Variants in UBXN7 observed in about 807,000 individuals in gnomAD.
UBXN7 encodes the protein UBX domain protein 7.
Under a neutral mutation model 58.0 loss-of-function variants are expected in UBXN7, and 9 were observed. The observed-to-expected ratio is 0.16, with a 90% confidence interval of 0.09 to 0.27. The LOEUF (loss-of-function observed/expected upper bound fraction) is 0.27, where lower values mean the gene tolerates loss of function less well. Among genes scored for constraint, UBXN7 ranks in the 10% least tolerant of loss-of-function variants. The pLI is 1.00. For missense variants in UBXN7, 328 were observed against 599.6 expected (o/e 0.55, Z 4.73); for synonymous variants, 208 against 205.0 (o/e 1.01, Z -0.12).
chr3:196,360,072 G>A (rs1728464539), intron 10 of UBXN7, among the ~76,000 whole-genome samples: 1 of 152,172 alleles, frequency 6.6e-6, no homozygotes. Context: ...GAAGGCTAAG[G>A]GAGTTAAGGA....
At chr3:196,385,273 G>T (rs986269599) in intron 5 of UBXN7, among the ~76,000 whole-genome samples, 1 of 152,200 alleles carries the variant, frequency 6.6e-6, no homozygotes, top group Non-Finnish European at 1.5e-5. Flanking sequence ...CGAGGTGCCG[G>T]GATTGCAGAC....
intron 1 of UBXN7, among the ~76,000 whole-genome samples, chr3:196,430,399 T>C (rs1006662938): frequency 1.3e-5 from 2 of 151,956 alleles, no homozygotes; most frequent in Non-Finnish European, 2.9e-5. Context: ...TGGCTTTTTT[T>C]TTCTTTTTGA....
At chr3:196,403,164 G>T in intron 2 of UBXN7, 145 bp from the exon 3 acceptor site, 2 of 831,984 alleles carry the variant, frequency 2.4e-6, no homozygotes, top group Admixed American at 3.4e-5. Context: ...CTATTTTTTT[G>T]GGGGGGCGGT....
At chr3:196,373,022 A>AT (rs1158591327) in intron 5 of UBXN7, among the ~76,000 whole-genome samples, 1 of 152,208 alleles carries the variant, frequency 6.6e-6, no homozygotes, top group Non-Finnish European at 1.5e-5. Flanking sequence ...AAGTGCTGGG[A>AT]TTATAGGCGT....
At chr3:196,384,045 A>C (rs1164261805) in intron 5 of UBXN7, among the ~76,000 whole-genome samples, 1 of 152,202 alleles carries the variant, frequency 6.6e-6, no homozygotes, top group Non-Finnish European at 1.5e-5. Context: ...AAATTGATAG[A>C]CCACTAGCAA....
chr3:196,414,273 G>A (rs183141841), intron 1 of UBXN7, among the ~76,000 whole-genome samples: 1 of 152,236 alleles, frequency 6.6e-6, no homozygotes, highest in East Asian at 1.9e-4. Context: ...ACAGGCATAC[G>A]CCACTGCACC....
chr3:196,403,862 T>C (rs1335327966), intron 2 of UBXN7, among the ~76,000 whole-genome samples: 1 of 152,114 alleles, frequency 6.6e-6, no homozygotes, highest in Non-Finnish European at 1.5e-5. Flanking sequence ...TTCTTCAAAG[T>C]TTACATTCAT....
intron 5 of UBXN7, among the ~76,000 whole-genome samples, chr3:196,374,147 G>A (rs1728921803): frequency 6.6e-6 from 1 of 152,128 alleles, no homozygotes; most frequent in Non-Finnish European, 1.5e-5. Context: ...TCTAGAGATA[G>A]ACTAGAGCGC....
chr3:196,420,824 C>T lies in UBXN7; in HGVS notation c.73+11503G>A, dbSNP rs146643057. Among the ~76,000 whole-genome samples, 125 of 152,278 alleles carry T rather than the reference C, an allele frequency of 8.2e-4. 1 individual carries two copies. Among genetic ancestry groups the T allele is most frequent in the African/African-American group, 2.9e-3 (120 of 41,562 alleles). ...CTATCTCCTAGTTTATACTCTAATG[C>T]ACATTGTCTACACTACTCTCAGTGC... On this transcript the variant is annotated intron_variant, in intron 1 of 10. Coordinates refer to ENST00000296328, the MANE Select transcript of UBXN7 (RefSeq NM_015562.2).
At chr3:196,356,906 T>C in intron 10 of UBXN7, 60 bp from the exon 11 acceptor site, 1 of 1,542,436 alleles carries the variant, frequency 6.5e-7, no homozygotes, top group East Asian at 2.3e-5. Context: ...AGCATATTAG[T>C]GAATTAAATA....
At chr3:196,407,868 G>A (rs1257564449) in intron 1 of UBXN7, among the ~76,000 whole-genome samples, 1 of 152,148 alleles carries the variant, frequency 6.6e-6, no homozygotes, top group African/African-American at 2.4e-5. Context: ...GGGAGGCTGA[G>A]GCGGGCAGAT....
At chr3:196,419,279 G>C (rs551676949) in intron 1 of UBXN7, among the ~76,000 whole-genome samples, 56 of 143,768 alleles carry the variant, frequency 3.9e-4, no homozygotes, top group Middle Eastern at 7.2e-3. Context: ...GCAAGACCCT[G>C]TCTCTAAATA....
intron 10 of UBXN7, among the ~76,000 whole-genome samples, chr3:196,358,858 G>A (rs902087420): frequency 1.0e-4 from 15 of 146,370 alleles, no homozygotes; most frequent in African/African-American, 2.0e-4. Context: ...ACAGGGTCTC[G>A]CTTTGTTGCC....
chr3:196,398,805 T>C (rs1294430934), intron 3 of UBXN7, among the ~76,000 whole-genome samples: 2 of 152,104 alleles, frequency 1.3e-5, no homozygotes. Context: ...CTCATTTTTT[T>C]CTTAATTTTT....
chr3:196,412,230 CAAAAA>C (rs55746914), intron 1 of UBXN7, among the ~76,000 whole-genome samples: 3 of 89,124 alleles, frequency 3.4e-5, no homozygotes, highest in African/African-American at 9.9e-5. Flanking sequence ...GACTTTGTCT[CAAAAA>C]AAAAAAAAAA....
At position 196,432,139 on chromosome 3, in the gene UBXN7, C is replaced by CG. The variant is rs769329669; in HGVS notation, c.73+187dup. 5.4e-3 allele frequency: 3,844 copies of CG among 714,832 alleles called. 9 individuals are homozygous for CG. The highest frequency in any genetic ancestry group is 6.5e-3 in the South Asian group (400 of 61,578). 44.3% of individuals were successfully genotyped at this position (714,832 alleles called of 1,614,324 possible). A position where few individuals can be genotyped will look rare whatever the true frequency, so the allele number is the denominator to read the frequency against. On this transcript the variant is annotated intron_variant, in intron 1 of 10. Coordinates refer to ENST00000296328, the MANE Select transcript of UBXN7 (RefSeq NM_015562.2). ...AGACAGAGAACGAGGGTATCGGGAG[C>CG]GGGGGGGGGCTGTCTCCCGCCTGAA...
At chr3:196,401,823 G>GAGAGAAGAGGAGAGAAGAGA (rs1730000425) in intron 3 of UBXN7, among the ~76,000 whole-genome samples, 2 of 120,314 alleles carry the variant, frequency 1.7e-5, no homozygotes, top group African/African-American at 6.2e-5. Flanking sequence ...GAAAAGAGAA[G>GAGAGAAGAGGAGAGAAGAGA]AGAGAAGAGA....
chr3:196,426,094 G>T (rs938660041), intron 1 of UBXN7, among the ~76,000 whole-genome samples: 3 of 151,942 alleles, frequency 2.0e-5, no homozygotes, highest in Non-Finnish European at 4.4e-5. Flanking sequence ...TTAAATTTCT[G>T]AAACTTCAGC....
chr3:196,400,728 C>A, intron 3 of UBXN7: 1 of 378,094 alleles, frequency 2.6e-6, no homozygotes, highest in Non-Finnish European at 5.1e-6. Flanking sequence ...CAACAGACTC[C>A]ATTTCTGCAA....
Sources: allele counts gnomAD v4.1 joint callset (sites outside exome capture counted in the v4.1 genomes callset), GRCh38; gene constraint gnomAD v4.1.1; transcripts MANE v1.5; gene names NCBI Gene and HGNC (gene_info 2026-07-23, HGNC 2026-07-21).